The following ZNF100 variants were observed in gnomAD, a reference collection of about 807,000 sequenced individuals.
ZNF100 encodes the protein zinc finger protein 100.
A neutral mutation model predicts 15.8 loss-of-function variants in ZNF100; 12 were observed. The observed-to-expected ratio is 0.76, with a 90% CI of 0.49 to 1.23. ZNF100 has a LOEUF of 1.23. Ranked by LOEUF, ZNF100 falls within the 50% of genes most tolerant of loss-of-function variation. The pLI is 0.00. For synonymous variants in ZNF100, 226 were observed against 214.8 expected (o/e 1.05, Z -0.45); for missense variants, 670 against 635.6 (o/e 1.05, Z -0.58).
chr19:21,727,474 T>C lies in ZNF100; in HGVS notation c.838A>G (p.Lys280Glu). 1 of 1,613,546 alleles carries C rather than the reference T, an allele frequency of 6.2e-7. No homozygotes were observed. The highest frequency in any genetic ancestry group is 8.5e-7 in the Non-Finnish European group (1 of 1,179,816). The change falls in exon 5 of 5, where the codon AAG becomes GAG. Residue 280 changes from lysine (K) to glutamate (E), a missense_variant. Coordinates refer to ENST00000358296, the MANE Select transcript of ZNF100 (RefSeq NM_173531.4). ...GGTTTCTCTCCAGTATGAATTATCT[T>C]ATGTGTAGTAAGGTGTGAGGACCGG... ...FNRSSHLTTH[K>E]IIHTGEKPYR...
intron 4 of ZNF100, among the ~76,000 whole-genome samples, chr19:21,729,857 A>G (rs1414446650): frequency 7.2e-5 from 11 of 152,072 alleles, no homozygotes; most frequent in Non-Finnish European, 1.5e-4. Flanking sequence ...GGGGAGAAGT[A>G]ATGAGAAAAA....
Position 21,764,386 on chromosome 19 carries a change from G to T in ZNF100, c.96+1308C>A, listed in dbSNP as rs146057257. ...AGGCCGGGCATGGTGGCTCATGCTT[G>T]TAATTCCAGCACTTCGGGAGGCCAA... is the stretch of plus-strand genomic sequence containing the variant. On this transcript the variant is annotated intron_variant, in intron 2 of 4. Transcript: ENST00000358296. Among the ~76,000 whole-genome samples, 578 of 152,228 alleles carry T rather than the reference G, an allele frequency of 3.8e-3. 3 individuals carry two copies. The highest frequency in any genetic ancestry group is 0.013 in the African/African-American group (555 of 41,534).
At position 21,726,059 on chromosome 19, in the gene ZNF100, T is replaced by C. The variant is rs992331489; in HGVS notation, c.*624A>G. The C allele has an allele frequency of 1.3e-5, 2 of 152,160 alleles. No individual in the cohort carries two copies. 9.4% of individuals were successfully genotyped at this position (152,160 alleles called of 1,614,324 possible). A position where few individuals can be genotyped will look rare whatever the true frequency, so the allele number is the denominator to read the frequency against. ...AAAGTTTGAGCAACTGCTTCAGAGGTTTCCTCTAATACAAAACGTGTACAG... is the reference window on the plus strand; with the variant it reads ...AAAGTTTGAGCAACTGCTTCAGAGGCTTCCTCTAATACAAAACGTGTACAG... On this transcript the variant is annotated 3_prime_UTR_variant, in exon 5 of 5. Transcript: ENST00000358296.
intron 2 of ZNF100, among the ~76,000 whole-genome samples, chr19:21,746,499 T>A (rs1403457110): frequency 6.6e-6 from 1 of 151,992 alleles, no homozygotes; most frequent in Non-Finnish European, 1.5e-5. Flanking sequence ...ACCCCAGCTT[T>A]CCCCAATAGG....
rs755503200 is a variant in ZNF100, at chr19:21,726,656, G to A, written c.*27C>T. On this transcript the variant is annotated 3_prime_UTR_variant, in exon 5 of 5. Coordinates refer to ENST00000358296, the MANE Select transcript of ZNF100 (RefSeq NM_173531.4). ...TTTTTTATGTTTAGTAAGAGTTGAG[G>A]ACTGGTAAAAGGCTTTGCCACATTT... The A allele has an allele frequency of 1.5e-5, 23 of 1,580,796 alleles. No homozygotes were observed. The highest frequency in any genetic ancestry group is 2.0e-5 in the Non-Finnish European group (23 of 1,163,638).
chr19:21,742,467 C>T (rs1197890315), intron 4 of ZNF100, among the ~76,000 whole-genome samples: 3 of 147,356 alleles, frequency 2.0e-5, no homozygotes, highest in Non-Finnish European at 4.5e-5. Flanking sequence ...GCACTCCAGC[C>T]TGGGCAACAA....
rs2036157706 is a variant in ZNF100 at position 21,743,608 on chromosome 19, TCA to T, written c.322+407_322+408del. ...AACAACGGAACAGAAAACACTACTT[TCA>T]CACATTTCAGACATGATGAAAAAAG... On this transcript the variant is annotated intron_variant, in intron 4 of 4. Transcript: ENST00000358296. Among the ~76,000 whole-genome samples the T allele has an allele frequency of 3.3e-5, 5 of 152,104 alleles. No individual in the cohort carries two copies. The South Asian group carries it at 1.0e-3, about 32-fold the overall frequency.
intron 2 of ZNF100, among the ~76,000 whole-genome samples, chr19:21,761,753 C>T (rs552352733): frequency 2.8e-4 from 42 of 152,160 alleles, no homozygotes; most frequent in African/African-American, 8.9e-4. Flanking sequence ...ATCTTCCAGC[C>T]ATAGCAGTTC....
intron 4 of ZNF100, among the ~76,000 whole-genome samples, chr19:21,736,432 A>C (rs767460446): frequency 1.3e-5 from 2 of 152,070 alleles, no homozygotes; most frequent in Non-Finnish European, 2.9e-5. Context: ...AGAGACTTAG[A>C]CTCCCAAACA....
chr19:21,765,891 C>G (rs542904808), intron 1 of ZNF100, 105 bp from the exon 2 acceptor site: 2 of 1,199,540 alleles, frequency 1.7e-6, no homozygotes, highest in African/African-American at 1.5e-5. Context: ...AAACCCAGGA[C>G]CAGGAAAAAA....
intron 2 of ZNF100, among the ~76,000 whole-genome samples, chr19:21,757,148 C>T (rs1287471374): frequency 2.0e-5 from 3 of 152,156 alleles, no homozygotes; most frequent in African/African-American, 7.2e-5. Flanking sequence ...ACTAAAAATA[C>T]AAAAATTAGC....
chr19:21,745,969 A>C (rs1381031793), intron 2 of ZNF100, among the ~76,000 whole-genome samples: 1 of 152,204 alleles, frequency 6.6e-6, no homozygotes, highest in Non-Finnish European at 1.5e-5. Context: ...TTTTCCAAAG[A>C]CAGCTACATG....
chr19:21,733,833 C>G (rs1162215578), intron 4 of ZNF100, among the ~76,000 whole-genome samples: 1 of 152,282 alleles, frequency 6.6e-6, no homozygotes, highest in African/African-American at 2.4e-5. Context: ...CAGTGCCCAT[C>G]TGGGATAAAG....
chr19:21,750,957 G>A (rs2036297121), intron 2 of ZNF100: 5 of 887,204 alleles, frequency 5.6e-6, no homozygotes, highest in South Asian at 1.7e-5. Context: ...GCGGCACCCG[G>A]GGATGCGGTG....
intron 4 of ZNF100, among the ~76,000 whole-genome samples, chr19:21,730,629 G>A (rs577230856): frequency 3.4e-5 from 5 of 148,610 alleles, no homozygotes; most frequent in African/African-American, 9.9e-5. Flanking sequence ...AAGAGAGGAC[G>A]TGAAGGCAGT....
At chr19:21,741,200 A>G (rs1443670747) in intron 4 of ZNF100, among the ~76,000 whole-genome samples, 1 of 152,236 alleles carries the variant, frequency 6.6e-6, no homozygotes, top group Non-Finnish European at 1.5e-5. Context: ...TATCTTAAAT[A>G]GTCACACTCA....
Position 21,727,565 on chromosome 19 carries a change from A to G in ZNF100, c.747T>C (p.Thr249=), listed in dbSNP as rs1340500739. Residue 249 remains threonine (T), a synonymous_variant, in exon 5 of 5, where the codon ACT becomes ACC. Transcript: ENST00000358296. Reference sequence around the variant, plus strand: ...CTCCAGTATGAATTCTCCTGTGTGTAGTAAGGGTTGAGAACCAGTTGAAGG... The same window carrying G: ...CTCCAGTATGAATTCTCCTGTGTGTGGTAAGGGTTGAGAACCAGTTGAAGG... ...GKAFNWFSTL[T]THRRIHTGEK... 1 of 1,613,728 alleles carries G rather than the reference A, an allele frequency of 6.2e-7. No individual in the cohort carries two copies. The highest frequency in any genetic ancestry group is 1.3e-5 in the African/African-American group (1 of 74,932).
intron 2 of ZNF100, chr19:21,751,545 T>C (rs2036306650): frequency 8.0e-7 from 1 of 1,245,022 alleles, no homozygotes; most frequent in Admixed American, 1.7e-5. Context: ...TAGAAAAGGA[T>C]TGTTCTGGGA....
intron 4 of ZNF100, among the ~76,000 whole-genome samples, chr19:21,735,494 C>G (rs1230506498): frequency 1.1e-5 from 1 of 90,718 alleles, no homozygotes; most frequent in Non-Finnish European, 2.0e-5. Flanking sequence ...GTGTAAGACT[C>G]TGTCTCAAAA....
Sources: gnomAD v4.1 joint callset for allele counts (sites outside exome capture counted in the v4.1 genomes callset) on GRCh38, gnomAD v4.1.1 for gene constraint, MANE v1.5 for transcripts, NCBI Gene and HGNC (gene_info 2026-07-23, HGNC 2026-07-21) for gene names.